The following TTC27 variants were observed in gnomAD, a reference collection of about 807,000 sequenced individuals.
TTC27 encodes tetratricopeptide repeat protein 27.
TTC27 carries 79 observed loss-of-function variants against 115.9 expected under a neutral mutation model. The ratio of observed to expected loss-of-function variants is 0.68; its 90% CI spans 0.57 to 0.82. The LOEUF is 0.82. Among genes scored for constraint, TTC27 ranks in the 40% least tolerant of loss-of-function variants. The pLI is 0.00. For missense variants in TTC27, 1,054 were observed against 993.1 expected, an observed-to-expected ratio of 1.06 and a Z score of -0.82; for synonymous variants, 401 against 356.0, an observed-to-expected ratio of 1.13 and a Z score of -1.42.
chr2:32,680,231 G>T (rs1666370842), intron 9 of TTC27, among the ~76,000 whole-genome samples: 1 of 151,984 alleles, frequency 6.6e-6, no homozygotes, highest in African/African-American at 2.4e-5. Flanking sequence ...TATTATATGT[G>T]CTATAAAGGA....
chr2:32,700,807 T>G (rs1380998931), intron 9 of TTC27, among the ~76,000 whole-genome samples: 1 of 152,252 alleles, frequency 6.6e-6, no homozygotes, highest in African/African-American at 2.4e-5. Context: ...CCCAAAGTGC[T>G]GGGATTACAG....
At chr2:32,637,662 A>C (rs1664480126) in intron 3 of TTC27, among the ~76,000 whole-genome samples, 1 of 152,060 alleles carries the variant, frequency 6.6e-6, no homozygotes, top group Non-Finnish European at 1.5e-5. Context: ...ATTCCTTATT[A>C]TCTTCTTGTG....
chr2:32,670,264 T>A (rs991340311), intron 7 of TTC27, among the ~76,000 whole-genome samples: 1 of 152,198 alleles, frequency 6.6e-6, no homozygotes, highest in Non-Finnish European at 1.5e-5. Flanking sequence ...TATTGAGGAA[T>A]AATTTATATA....
chr2:32,792,360 T>G (rs1214257225), intron 16 of TTC27, among the ~76,000 whole-genome samples: 1 of 152,172 alleles, frequency 6.6e-6, no homozygotes, highest in Non-Finnish European at 1.5e-5. Context: ...ACTGTTGAGG[T>G]ACCTGAGGCT....
intron 18 of TTC27, among the ~76,000 whole-genome samples, chr2:32,813,821 C>T (rs1441206062): frequency 1.3e-5 from 2 of 152,152 alleles, no homozygotes; most frequent in African/African-American, 4.8e-5. Context: ...TCCTGGGTCA[C>T]CAAGCACTTG....
chr2:32,714,934 T>G (rs1667705211), intron 10 of TTC27, among the ~76,000 whole-genome samples: 1 of 152,176 alleles, frequency 6.6e-6, no homozygotes, highest in East Asian at 1.9e-4. Flanking sequence ...TTAATGGGGT[T>G]GTTTTTTGTT....
At chr2:32,754,994 G>T (rs543800018) in intron 12 of TTC27, among the ~76,000 whole-genome samples, 1 of 151,608 alleles carries the variant, frequency 6.6e-6, no homozygotes, top group Non-Finnish European at 1.5e-5. Context: ...GGCGGCTGCC[G>T]GGCAGAGGGG....
At chr2:32,758,577 A>C in intron 13 of TTC27, 58 bp downstream of exon 13, 2 of 1,502,258 alleles carry the variant, frequency 1.3e-6, no homozygotes, top group Non-Finnish European at 1.8e-6. Flanking sequence ...TTTGGATTTG[A>C]TCTTACAGAA....
chr2:32,663,799 C>G (rs1331612259), intron 5 of TTC27, among the ~76,000 whole-genome samples: 5 of 152,294 alleles, frequency 3.3e-5, no homozygotes, highest in Middle Eastern at 6.8e-3. Flanking sequence ...ATTCTCCTGC[C>G]TCAGCCTCCT....
At chr2:32,810,878 G>C (rs1339765047) in intron 16 of TTC27, 146 bp from the exon 17 acceptor site, 3 of 823,616 alleles carry the variant, frequency 3.6e-6, no homozygotes, top group East Asian at 5.4e-5. Flanking sequence ...ATTTTATTTT[G>C]CTTTTCAAAA....
At chr2:32,635,409 G>C (rs544201995) in intron 3 of TTC27, 163 of 153,354 alleles carry the variant, frequency 1.1e-3, no homozygotes, top group African/African-American at 3.7e-3. Context: ...CAAGTAGGCC[G>C]GGCACAGTGG....
intron 13 of TTC27, among the ~76,000 whole-genome samples, chr2:32,769,885 G>A (rs1669771009): frequency 6.6e-6 from 1 of 152,176 alleles, no homozygotes. Flanking sequence ...ATGGAGAGAG[G>A]AGGCATGAAT....
intron 5 of TTC27, among the ~76,000 whole-genome samples, chr2:32,654,449 G>A (rs1665242855): frequency 6.6e-6 from 1 of 152,022 alleles, no homozygotes. Flanking sequence ...CATATTTAAG[G>A]TGTACAATTT....
In TTC27 at chr2:32,676,471, G is replaced by GCCCT. The variant is rs1666209195; in HGVS notation, c.1053-2385_1053-2384insCCCT. On this transcript the variant is annotated intron_variant, in intron 8 of 19. Coordinates refer to ENST00000317907, the MANE Select transcript of TTC27 (RefSeq NM_017735.5). Reference sequence around the variant, plus strand: ...TATAGGGATATGTTATATTTTATAAGACAGTGTTTTCTTTTCATTCTGTTT... The same window carrying GCCCT: ...TATAGGGATATGTTATATTTTATAAGCCCTACAGTGTTTTCTTTTCATTCTGTTT... 2.0e-5 allele frequency among the ~76,000 whole-genome samples: 3 copies of GCCCT among 148,440 alleles called. No homozygotes were observed. In the South Asian group the frequency reaches 6.4e-4, roughly 32 times the overall value.
At chr2:32,768,664 A>G (rs1669720388) in intron 13 of TTC27, among the ~76,000 whole-genome samples, 2 of 152,208 alleles carry the variant, frequency 1.3e-5, no homozygotes, top group African/African-American at 4.8e-5. Flanking sequence ...TGATATGACA[A>G]AAGTGGTATT....
At chr2:32,779,998 T>C (rs772753197) in intron 14 of TTC27, 5 of 411,768 alleles carry the variant, frequency 1.2e-5, no homozygotes, top group Non-Finnish European at 2.1e-5. Context: ...TAAGGATGTA[T>C]TTATGGTCCA....
chr2:32,766,039 A>G (rs1669614920), intron 13 of TTC27, among the ~76,000 whole-genome samples: 3 of 152,140 alleles, frequency 2.0e-5, no homozygotes, highest in Admixed American at 2.0e-4. Flanking sequence ...AGCACTTTTA[A>G]TTTCCTTCAA....
At chr2:32,789,809 A>G (rs1670468242) in intron 16 of TTC27, among the ~76,000 whole-genome samples, 1 of 150,220 alleles carries the variant, frequency 6.7e-6, no homozygotes, top group Non-Finnish European at 1.5e-5. Context: ...ACCTGTGGCT[A>G]CTCGGGAGGC....
chr2:32,818,593 CTA>C (rs1671584237), intron 19 of TTC27, among the ~76,000 whole-genome samples: 1 of 152,182 alleles, frequency 6.6e-6, no homozygotes, highest in Admixed American at 6.5e-5. Flanking sequence ...GTTGAATTTC[CTA>C]TGTGATTTTA....
Sources: gnomAD v4.1 joint callset for allele counts (sites outside exome capture counted in the v4.1 genomes callset) on GRCh38, gnomAD v4.1.1 for gene constraint, MANE v1.5 for transcripts, NCBI Gene and HGNC (gene_info 2026-07-23, HGNC 2026-07-21) for gene names.